CNBD1: variants seen among roughly 807,000 people sequenced by gnomAD.
The protein encoded by CNBD1 is cyclic nucleotide binding domain containing 1.
A neutral mutation model predicts 54.4 loss-of-function variants in CNBD1; 71 were observed. The ratio of observed to expected loss-of-function variants is 1.30; its 90% confidence interval spans 1.08 to 1.59. The LOEUF (loss-of-function observed/expected upper bound fraction) is 1.59, where lower values mean the gene tolerates loss of function less well. CNBD1 is among the 40% of genes most tolerant of loss of function. The probability of loss-of-function intolerance (pLI) is 0.00; values close to 1 mark genes in which losing one functional copy is unlikely to be tolerated. For missense variants in CNBD1, 659 were observed against 518.0 expected (o/e 1.27, Z -2.64); for synonymous variants, 182 against 170.7 (o/e 1.07, Z -0.51).
At chr8:86,897,421 G>A (rs1808863115) in intron 2 of CNBD1, among the ~76,000 whole-genome samples, 1 of 152,160 alleles carries the variant, frequency 6.6e-6, no homozygotes, top group African/African-American at 2.4e-5. Flanking sequence ...CCTTGAAAGA[G>A]CAGACATGGT....
At chr8:87,084,741 A>G (rs1279464981) in intron 4 of CNBD1, among the ~76,000 whole-genome samples, 4 of 151,910 alleles carry the variant, frequency 2.6e-5, no homozygotes, top group African/African-American at 4.8e-5. Context: ...CAATGGCACA[A>G]TCTCAGCTCA....
intron 5 of CNBD1, among the ~76,000 whole-genome samples, chr8:87,207,428 GA>G (rs753766882): frequency 6.6e-6 from 1 of 151,372 alleles, no homozygotes; most frequent in Non-Finnish European, 1.5e-5. Flanking sequence ...ACACATTTAT[GA>G]AAAAATCTAA....
At chr8:87,139,447 A>G (rs1215966597) in intron 4 of CNBD1, among the ~76,000 whole-genome samples, 1 of 152,172 alleles carries the variant, frequency 6.6e-6, no homozygotes, top group Non-Finnish European at 1.5e-5. Flanking sequence ...GAGGGCAGAA[A>G]GAGAACCCAG....
chr8:86,906,612 T>C (rs1179134737), intron 3 of CNBD1, among the ~76,000 whole-genome samples: 11 of 152,220 alleles, frequency 7.2e-5, no homozygotes, highest in Non-Finnish European at 2.9e-5. Context: ...TCTATTCTAA[T>C]CTTGTTGATT....
chr8:87,344,930 T>C (rs1358080353), intron 8 of CNBD1, among the ~76,000 whole-genome samples: 1 of 152,190 alleles, frequency 6.6e-6, no homozygotes, highest in Non-Finnish European at 1.5e-5. Flanking sequence ...CCTGGTTAAC[T>C]AGAATGTATG....
At chr8:87,286,425 C>G (rs1177615820) in intron 7 of CNBD1, 114 bp from the exon 8 acceptor site, 1 of 631,654 alleles carries the variant, frequency 1.6e-6, no homozygotes, top group East Asian at 2.8e-5. Context: ...GTATTCTATA[C>G]TAACTTATAT....
At position 86,945,858 on chromosome 8, in the gene CNBD1, C is replaced by T. The variant is rs113067746; in HGVS notation, c.431+6104C>T. Among the ~76,000 whole-genome samples, 195 of 152,274 alleles carry T rather than the reference C, an allele frequency of 1.3e-3. 1 individual carries two copies. The highest frequency in any genetic ancestry group is 3.4e-3 in the Middle Eastern group (1 of 294). On this transcript the variant is annotated intron_variant, in intron 4 of 10. Coordinates refer to ENST00000518476, the MANE Select transcript of CNBD1 (RefSeq NM_173538.3). ...AGACTGGTATTCTAAAAGCGTGTCA[C>T]GCTGAATCTTCTTGTTCTGTCTGCG...
At chr8:87,048,683 C>T (rs929043002) in intron 4 of CNBD1, among the ~76,000 whole-genome samples, 1 of 152,058 alleles carries the variant, frequency 6.6e-6, no homozygotes. Context: ...ATGCCTCCAC[C>T]CAGTTAATCA....
intron 4 of CNBD1, among the ~76,000 whole-genome samples, chr8:86,963,684 G>A (rs1470040189): frequency 2.0e-5 from 3 of 152,110 alleles, no homozygotes; most frequent in South Asian, 2.1e-4. Flanking sequence ...TGCCCTTCAC[G>A]GTCATGCTAA....
intron 8 of CNBD1, among the ~76,000 whole-genome samples, chr8:87,351,274 A>T (rs1196237126): frequency 6.6e-6 from 1 of 152,214 alleles, no homozygotes; most frequent in Non-Finnish European, 1.5e-5. Flanking sequence ...GGCTCTGGAA[A>T]GTGAATTTTC....
chr8:87,401,353 G>C (rs191621760), intron 2 of CNBD1, among the ~76,000 whole-genome samples: 1 of 152,094 alleles, frequency 6.6e-6, no homozygotes, highest in African/African-American at 2.4e-5. Context: ...GAAGGGGAAA[G>C]TGTCAATGCC....
intron 4 of CNBD1, among the ~76,000 whole-genome samples, chr8:86,948,101 G>A (rs185774238): frequency 1.5e-4 from 23 of 152,124 alleles, no homozygotes; most frequent in Non-Finnish European, 2.1e-4. Context: ...TCATTATTAC[G>A]TATGGATGAA....
At chr8:86,943,672 G>T (rs1807392856) in intron 4 of CNBD1, among the ~76,000 whole-genome samples, 1 of 152,096 alleles carries the variant, frequency 6.6e-6, no homozygotes, top group East Asian at 1.9e-4. Context: ...GTGAGAAAAA[G>T]AGAGTTGGGA....
intron 6 of CNBD1, among the ~76,000 whole-genome samples, chr8:87,281,286 T>C (rs1808592572): frequency 6.6e-6 from 1 of 151,166 alleles, no homozygotes; most frequent in Non-Finnish European, 1.5e-5. Context: ...TCTATGGCCA[T>C]TGAAACAAAT....
intron 6 of CNBD1, among the ~76,000 whole-genome samples, chr8:87,283,349 T>G (rs1430892869): frequency 6.6e-6 from 1 of 152,078 alleles, no homozygotes; most frequent in Non-Finnish European, 1.5e-5. Flanking sequence ...TCCTTCTTCA[T>G]GGACTTCCCT....
At chr8:87,194,187 T>A (rs1014582429) in intron 4 of CNBD1, among the ~76,000 whole-genome samples, 1 of 152,322 alleles carries the variant, frequency 6.6e-6, no homozygotes, top group East Asian at 1.9e-4. Context: ...CAGTCCCTAG[T>A]ACCAAAATGG....
At chr8:87,394,982 A>G (rs1342357180) in intron 2 of CNBD1, among the ~76,000 whole-genome samples, 2 of 151,960 alleles carry the variant, frequency 1.3e-5, no homozygotes, top group Non-Finnish European at 2.9e-5. Context: ...AAGTAAAACG[A>G]TAGTGTTTTA....
chr8:87,007,459 T>C (rs982139472), intron 4 of CNBD1, among the ~76,000 whole-genome samples: 9 of 152,178 alleles, frequency 5.9e-5, no homozygotes, highest in Non-Finnish European at 8.8e-5. Flanking sequence ...GTAAAAAGTA[T>C]ATTTTGAGCC....
chr8:87,244,617 A>G (rs974776179), intron 6 of CNBD1, among the ~76,000 whole-genome samples: 1 of 151,944 alleles, frequency 6.6e-6, no homozygotes, highest in Non-Finnish European at 1.5e-5. Flanking sequence ...CCCCTCCTCC[A>G]CTTACTCATA....
Sources: gnomAD v4.1 joint callset for allele counts (sites outside exome capture counted in the v4.1 genomes callset) on GRCh38, gnomAD v4.1.1 for gene constraint, MANE v1.5 for transcripts, NCBI Gene and HGNC (gene_info 2026-07-23, HGNC 2026-07-21) for gene names.